The following FAM13A variants were observed in gnomAD, a reference collection of about 807,000 sequenced individuals.
The protein encoded by FAM13A is protein FAM13A.
FAM13A carries 76 observed loss-of-function variants against 129.6 expected under a neutral mutation model. That is an observed-to-expected ratio of 0.59 (90% confidence interval 0.49 to 0.71). The LOEUF is 0.71. Among genes scored for constraint, FAM13A ranks in the 30% least tolerant of loss-of-function variants. FAM13A has a pLI of 0.00. For missense variants in FAM13A, 1,108 were observed against 1,249.3 expected (o/e 0.89, Z 1.70); for synonymous variants, 443 against 449.9 (o/e 0.98, Z 0.20).
intron 1 of FAM13A, among the ~76,000 whole-genome samples, chr4:89,038,496 T>C (rs1769684221): frequency 1.3e-5 from 2 of 151,866 alleles, no homozygotes; most frequent in South Asian, 2.1e-4. Flanking sequence ...ATGGGACACG[T>C]CCACAAGACC....
At chr4:89,040,327 T>C (rs979163337) in intron 1 of FAM13A, among the ~76,000 whole-genome samples, 5 of 152,202 alleles carry the variant, frequency 3.3e-5, no homozygotes, top group African/African-American at 1.2e-4. Flanking sequence ...GAGTGCCCTT[T>C]CAACTTTTAT....
At chr4:88,929,442 A>G (rs1433535477) in intron 5 of FAM13A, among the ~76,000 whole-genome samples, 2 of 152,024 alleles carry the variant, frequency 1.3e-5, no homozygotes, top group Admixed American at 1.3e-4. Flanking sequence ...CTTTCTTGCT[A>G]GATTTGGGAA....
chr4:88,747,892 T>C, intron 17 of FAM13A, 41 bp from the exon 18 acceptor site: 3 of 1,376,050 alleles, frequency 2.2e-6, no homozygotes, highest in Non-Finnish European at 3.1e-6. Context: ...ATGAGATTTA[T>C]TTATTTATTT....
At chr4:88,906,547 G>C in intron 5 of FAM13A, 85 bp from the exon 6 acceptor site, 2 of 867,446 alleles carry the variant, frequency 2.3e-6, no homozygotes, top group Non-Finnish European at 3.6e-6. Context: ...AAACAGTTTT[G>C]AAGAGAGAGC....
chr4:89,023,114 T>C (rs1767490023), intron 2 of FAM13A, among the ~76,000 whole-genome samples: 1 of 152,184 alleles, frequency 6.6e-6, no homozygotes. Flanking sequence ...ATGCAGCAAA[T>C]GGGTAACGAA....
chr4:89,004,644 T>C lies in FAM13A; in HGVS notation c.428-13494A>G, dbSNP rs115908934. Among the ~76,000 whole-genome samples the C allele has an allele frequency of 6.7e-3, 1,013 of 152,242 alleles. 16 individuals carry two copies. Among genetic ancestry groups the C allele is most frequent in the African/African-American group, 0.023 (967 of 41,536 alleles). Reference sequence around the variant, plus strand: ...TAAATATTCGAAAAGAAAGGGAAGTTAGAATAGAGAAAGGCTAAGGAGACC... The same window carrying C: ...TAAATATTCGAAAAGAAAGGGAAGTCAGAATAGAGAAAGGCTAAGGAGACC... On this transcript the variant is annotated intron_variant, in intron 3 of 23. Coordinates refer to ENST00000264344, the MANE Select transcript of FAM13A (RefSeq NM_014883.4).
chr4:88,764,054 G>C (rs1745295344), intron 13 of FAM13A, among the ~76,000 whole-genome samples: 1 of 152,092 alleles, frequency 6.6e-6, no homozygotes, highest in Admixed American at 6.5e-5. Flanking sequence ...CACTTTTTCA[G>C]GGCAAATAAA....
chr4:88,767,922 T>C lies in FAM13A; in HGVS notation c.1535+61A>G, dbSNP rs1223851675. On this transcript the variant is annotated intron_variant, in intron 12 of 23. Coordinates refer to ENST00000264344, the MANE Select transcript of FAM13A (RefSeq NM_014883.4). ...TTAGTTCTTATAATTCACATTGCAT[T>C]ACATGAAAATAACCTTTTCCTGCCC... 1.8e-5 allele frequency: 18 copies of C among 981,756 alleles called. No homozygotes were observed. In the Admixed American group the frequency reaches 2.9e-4, roughly 16 times the overall value. The allele number at this position is 981,756 out of a possible 1,614,324, so 60.8% of individuals were successfully genotyped here. A position where few individuals can be genotyped will look rare whatever the true frequency, so the allele number is the denominator to read the frequency against.
chr4:88,935,625 C>T (rs926962735), intron 5 of FAM13A, among the ~76,000 whole-genome samples: 24 of 152,074 alleles, frequency 1.6e-4, no homozygotes, highest in Admixed American at 3.9e-4. Context: ...TTAATAGTTT[C>T]ATTCTGAGAT....
intron 14 of FAM13A, among the ~76,000 whole-genome samples, chr4:88,751,647 G>A (rs1323531188): frequency 6.6e-6 from 1 of 150,458 alleles, no homozygotes. Context: ...ACAAAATCTT[G>A]ATCTGTTATT....
chr4:88,772,576 T>G (rs1376672271), intron 11 of FAM13A, among the ~76,000 whole-genome samples: 7 of 152,200 alleles, frequency 4.6e-5, no homozygotes, highest in Admixed American at 4.6e-4. Context: ...GTACAGACAC[T>G]TCTCAACTTA....
rs758595104 is a variant in FAM13A, at chr4:88,747,710, C to T, written c.2303G>A (p.Ser768Asn). The T allele has an allele frequency of 6.8e-6, 11 of 1,614,164 alleles. No homozygotes were observed. Among genetic ancestry groups the T allele is most frequent in the Non-Finnish European group, 9.3e-6 (11 of 1,180,024 alleles). Residue 768 changes from serine (S) to asparagine (N), a missense_variant, in exon 18 of 24, where the codon AGT (serine) becomes AAT (asparagine). By Grantham distance (46) the Ser-to-Asn change is conservative. Coordinates refer to ENST00000264344, the MANE Select transcript of FAM13A (RefSeq NM_014883.4). ...AATAGATTCCAATGTGGCTTCAACA[C>T]TGGGCTTTATTGCTTTATCCACCAG... The part of the protein sequence containing the change: ...QELVDKAIKP[S>N]VEATLESIQR...
chr4:88,860,271 G>C (rs1739267340), intron 6 of FAM13A, among the ~76,000 whole-genome samples: 1 of 152,104 alleles, frequency 6.6e-6, no homozygotes, highest in Non-Finnish European at 1.5e-5. Context: ...AATATTATGG[G>C]GAAAAATTAA....
chr4:88,870,023 A>C (rs1414224429), intron 6 of FAM13A, among the ~76,000 whole-genome samples: 1 of 152,212 alleles, frequency 6.6e-6, no homozygotes, highest in Admixed American at 6.5e-5. Flanking sequence ...AGACTTTGAC[A>C]ATTTAAATTC....
At chr4:88,961,763 A>C (rs1435501511) in intron 4 of FAM13A, among the ~76,000 whole-genome samples, 1 of 152,146 alleles carries the variant, frequency 6.6e-6, no homozygotes, top group Non-Finnish European at 1.5e-5. Flanking sequence ...TCATAGACAA[A>C]GACTTGAGGG....
At chr4:89,053,173 T>C (rs974796780) in intron 1 of FAM13A, among the ~76,000 whole-genome samples, 9 of 152,192 alleles carry the variant, frequency 5.9e-5, no homozygotes, top group African/African-American at 2.2e-4. Flanking sequence ...TCTTCACCAC[T>C]TTATAACAAA....
At position 88,826,479 on chromosome 4, in the gene FAM13A, C is replaced by T. The variant is rs557145011; in HGVS notation, c.1008-21427G>A. Among the ~76,000 whole-genome samples, 10 of 152,274 alleles carry T rather than the reference C, an allele frequency of 6.6e-5. No homozygotes were observed. The South Asian group carries it at 2.1e-3, about 32-fold the overall frequency. On this transcript the variant is annotated intron_variant, in intron 7 of 23. Coordinates refer to ENST00000264344, the MANE Select transcript of FAM13A (RefSeq NM_014883.4). Reference sequence around the variant, plus strand: ...AAAAGAAAATCTCATAACTTGGTAACTAGTTATACTAAAAATTCGTAATAC... The same window carrying T: ...AAAAGAAAATCTCATAACTTGGTAATTAGTTATACTAAAAATTCGTAATAC...
chr4:88,990,080 C>G (rs973706133), intron 4 of FAM13A: 1 of 152,112 alleles, frequency 6.6e-6, no homozygotes, highest in East Asian at 1.9e-4. Flanking sequence ...AAAGTTAACA[C>G]CTTTAGAATT....
chr4:88,829,047 T>C (rs1733478745), intron 7 of FAM13A, among the ~76,000 whole-genome samples: 1 of 152,176 alleles, frequency 6.6e-6, no homozygotes, highest in Non-Finnish European at 1.5e-5. Flanking sequence ...TCTTGTCCTA[T>C]CAAGAGCAAC....
Sources: allele counts gnomAD v4.1 joint callset (sites outside exome capture counted in the v4.1 genomes callset), GRCh38; gene constraint gnomAD v4.1.1; transcripts MANE v1.5; gene names NCBI Gene and HGNC (gene_info 2026-07-23, HGNC 2026-07-21).